PLS1: variants seen among roughly 807,000 people sequenced by gnomAD.
PLS1 encodes the protein plastin-1.
Under a neutral mutation model 73.7 loss-of-function variants are expected in PLS1, and 32 were observed. The observed-to-expected ratio is 0.43, with a 90% confidence interval of 0.33 to 0.58. The LOEUF is 0.58. Among genes scored for constraint, PLS1 ranks in the 20% least tolerant of loss-of-function variants. The pLI, the probability that PLS1 is intolerant of heterozygous loss-of-function variation, is 0.04. For synonymous variants in PLS1, 217 were observed against 261.3 expected (o/e 0.83, Z 1.63); for missense variants, 633 against 740.5 (o/e 0.85, Z 1.68).
intron 6 of PLS1, among the ~76,000 whole-genome samples, chr3:142,680,233 T>A (rs1166795745): frequency 6.6e-6 from 1 of 152,154 alleles, no homozygotes; most frequent in Non-Finnish European, 1.5e-5. Context: ...CCTGCTAATT[T>A]TTTAAAGTTT....
intron 2 of PLS1, 79 bp downstream of exon 2, chr3:142,664,386 T>G (rs1211710157): frequency 1.4e-6 from 1 of 717,172 alleles, no homozygotes; most frequent in African/African-American, 1.8e-5. Flanking sequence ...TACCTTTTAT[T>G]TCATCTACCA....
In PLS1 at chr3:142,694,521, C is replaced by A; in HGVS notation, c.1230C>A (p.Val410=). The A allele has an allele frequency of 6.3e-7, 1 of 1,598,202 alleles. No individual in the cohort carries two copies. Among genetic ancestry groups the A allele is most frequent in the Non-Finnish European group, 8.6e-7 (1 of 1,165,854 alleles). ...TFRNWMNSLG[V]NPYINHLYSD... Reference sequence around the variant, plus strand: ...GGAACTGGATGAATTCCTTGGGAGTCAACCCATACATTAATCATTTGTACA... The same window carrying A: ...GGAACTGGATGAATTCCTTGGGAGTAAACCCATACATTAATCATTTGTACA... The change falls in exon 11 of 16, where the codon GTC becomes GTA. Residue 410 remains valine, a synonymous_variant. Transcript: ENST00000457734.
intron 6 of PLS1, among the ~76,000 whole-genome samples, chr3:142,683,162 G>A (rs961947173): frequency 6.6e-6 from 1 of 152,160 alleles, no homozygotes; most frequent in South Asian, 2.1e-4. Context: ...TTAAATTGTC[G>A]CTATTACTGC....
chr3:142,650,274 A>G (rs1299807092), intron 1 of PLS1, among the ~76,000 whole-genome samples: 1 of 129,264 alleles, frequency 7.7e-6, no homozygotes, highest in African/African-American at 3.0e-5. Context: ...GCTGGAGAGC[A>G]GTGGTGTGAT....
At chr3:142,623,031 A>C (rs2036346253) in intron 1 of PLS1, among the ~76,000 whole-genome samples, 2 of 152,084 alleles carry the variant, frequency 1.3e-5, no homozygotes, top group Non-Finnish European at 2.9e-5. Flanking sequence ...TTATCATAGC[A>C]CGCTACAGCC....
intron 1 of PLS1, among the ~76,000 whole-genome samples, chr3:142,637,946 C>T (rs2036731377): frequency 6.6e-6 from 1 of 151,918 alleles, no homozygotes. Context: ...TCTACTCATC[C>T]TCCTGCTGTC....
rs191684384 is a variant in PLS1 at position 142,597,422 on chromosome 3, T to C, written c.-37+913T>C. 11 of 152,222 alleles carry C rather than the reference T, an allele frequency of 7.2e-5. No individual in the cohort carries two copies. In the East Asian group the frequency reaches 1.9e-3, roughly 27 times the overall value. 9.4% of individuals were successfully genotyped at this position (152,222 alleles called of 1,614,324 possible). ...AGTTGAATTATGTAATGAAATTCTATAGTAAAGTGTTAATGTGTAATGTGG... is the reference window on the plus strand; with the variant it reads ...AGTTGAATTATGTAATGAAATTCTACAGTAAAGTGTTAATGTGTAATGTGG... On this transcript the variant is annotated intron_variant, in intron 1 of 15. Transcript: ENST00000457734.
chr3:142,622,279 A>G (rs1436105296), intron 1 of PLS1, among the ~76,000 whole-genome samples: 1 of 152,210 alleles, frequency 6.6e-6, no homozygotes, highest in Non-Finnish European at 1.5e-5. Context: ...TAGATATGCT[A>G]GACTGTACCC....
chr3:142,647,126 G>A (rs1000147819), intron 1 of PLS1, among the ~76,000 whole-genome samples: 15 of 152,302 alleles, frequency 9.8e-5, no homozygotes, highest in African/African-American at 2.6e-4. Context: ...GATTTTTCAT[G>A]TGCCAGATAT....
At chr3:142,692,619 C>T (rs1327743234) in intron 10 of PLS1, among the ~76,000 whole-genome samples, 3 of 151,890 alleles carry the variant, frequency 2.0e-5, no homozygotes, top group Non-Finnish European at 4.4e-5. Context: ...CAGTTGAGAA[C>T]AATAGGAAGA....
intron 3 of PLS1, 64 bp downstream of exon 3, chr3:142,669,617 A>C: frequency 1.8e-6 from 2 of 1,115,020 alleles, no homozygotes; most frequent in South Asian, 3.7e-5. Flanking sequence ...TAGTAATGTC[A>C]TCACTAGCTT....
chr3:142,620,170 G>A lies in PLS1; in HGVS notation c.-37+23661G>A, dbSNP rs530812295. ...GGCAGAGTCTTGCTCTGTCACCCAGGCTGAAGTGCAGTGGCACGATCTCGG... is the reference window on the plus strand; with the variant it reads ...GGCAGAGTCTTGCTCTGTCACCCAGACTGAAGTGCAGTGGCACGATCTCGG... On this transcript the variant is annotated intron_variant, in intron 1 of 15. Transcript: ENST00000457734. Among the ~76,000 whole-genome samples the A allele has an allele frequency of 1.1e-4, 17 of 151,914 alleles. No homozygotes were observed. The South Asian group carries it at 3.3e-3, about 30-fold the overall frequency.
chr3:142,713,533 T>C lies in PLS1; in HGVS notation c.*1526T>C, dbSNP rs1400625110. 2 of 152,614 alleles carry C rather than the reference T, an allele frequency of 1.3e-5. No individual in the cohort carries two copies. The highest frequency in any genetic ancestry group is 4.8e-5 in the African/African-American group (2 of 41,462). 9.5% of individuals were successfully genotyped at this position (152,614 alleles called of 1,614,324 possible). ...GTTCTTGCTCTTTTATAAGATTATT[T>C]AAATTATGTTTCCCTCTGATTTTTT... On this transcript the variant is annotated 3_prime_UTR_variant, in exon 16 of 16. Coordinates refer to ENST00000457734, the MANE Select transcript of PLS1 (RefSeq NM_001145319.2).
At chr3:142,694,075 T>A (rs1302642043) in intron 10 of PLS1, among the ~76,000 whole-genome samples, 1 of 152,068 alleles carries the variant, frequency 6.6e-6, no homozygotes, top group Non-Finnish European at 1.5e-5. Context: ...GTATAACTTT[T>A]CTATTTGTGT....
chr3:142,600,891 TA>T (rs1560024311), intron 1 of PLS1, among the ~76,000 whole-genome samples: 18 of 22,084 alleles, frequency 8.2e-4, no homozygotes, highest in African/African-American at 1.1e-3. Context: ...TATATATATA[TA>T]TATATATATA....
intron 11 of PLS1, among the ~76,000 whole-genome samples, chr3:142,696,789 CATTT>C (rs1479755941): frequency 6.7e-6 from 1 of 150,088 alleles, no homozygotes; most frequent in Non-Finnish European, 1.5e-5. Flanking sequence ...AGAATGAATT[CATTT>C]AAAGTAAAAA....
At chr3:142,615,337 T>C (rs2036196790) in intron 1 of PLS1, among the ~76,000 whole-genome samples, 1 of 152,094 alleles carries the variant, frequency 6.6e-6, no homozygotes. Flanking sequence ...GATGATATCA[T>C]CTGGCTTCAG....
rs537840502 is a variant in PLS1, at chr3:142,627,730, A to C, written c.-37+31221A>C. ...ACTGCAGCCTCGACCTCCCAGGCTC[A>C]AGAGATCCTCCTGAGGAGCTGGGAA... On this transcript the variant is annotated intron_variant, in intron 1 of 15. Transcript: ENST00000457734. 1.2e-4 allele frequency: 18 copies of C among 152,246 alleles called. 1 individual carries two copies. In the South Asian group the frequency reaches 3.7e-3, roughly 31 times the overall value. 9.4% of individuals were successfully genotyped at this position (152,246 alleles called of 1,614,324 possible).
intron 10 of PLS1, among the ~76,000 whole-genome samples, chr3:142,691,248 A>G (rs1324211951): frequency 1.3e-5 from 2 of 152,180 alleles, no homozygotes; most frequent in African/African-American, 4.8e-5. Context: ...AAGGTCCCGT[A>G]AAATAAAATA....
Sources: gnomAD v4.1 joint callset for allele counts (sites outside exome capture counted in the v4.1 genomes callset) on GRCh38, gnomAD v4.1.1 for gene constraint, MANE v1.5 for transcripts, NCBI Gene and HGNC (gene_info 2026-07-23, HGNC 2026-07-21) for gene names.